ANK3: variants seen among roughly 807,000 people sequenced by gnomAD.
The protein encoded by ANK3 is ankyrin-3.
Under a neutral mutation model 370.9 loss-of-function variants are expected in ANK3, and 57 were observed. The ratio of observed to expected loss-of-function variants is 0.15; its 90% CI spans 0.12 to 0.19. The LOEUF (loss-of-function observed/expected upper bound fraction) is 0.19. Among genes scored for constraint, ANK3 ranks in the 10% least tolerant of loss-of-function variants. The probability of loss-of-function intolerance (pLI) is 1.00; values close to 1 mark genes in which losing one functional copy is unlikely to be tolerated. For missense variants in ANK3, 4,439 were observed against 5,302.1 expected (o/e 0.84, Z 5.06); for synonymous variants, 1,929 against 1,946.3 (o/e 0.99, Z 0.23).
chr10:60,621,056 C>G (rs1224768388), intron 1 of ANK3, among the ~76,000 whole-genome samples: 1 of 152,198 alleles, frequency 6.6e-6, no homozygotes, highest in Non-Finnish European at 1.5e-5. Context: ...GAGCCCTGCT[C>G]CTAGCTGTTC....
chr10:60,697,433 C>T (rs1342677755), intron 1 of ANK3, among the ~76,000 whole-genome samples: 1 of 150,546 alleles, frequency 6.6e-6, no homozygotes, highest in South Asian at 2.1e-4. Flanking sequence ...CAAAAAAGAG[C>T]CCGCATCGCC....
chr10:60,565,832 A>T (rs2077446566), intron 2 of ANK3, among the ~76,000 whole-genome samples: 1 of 152,208 alleles, frequency 6.6e-6, no homozygotes, highest in African/African-American at 2.4e-5. Flanking sequence ...CCTTTCTGCC[A>T]CCAATAAAGC....
chr10:60,119,149 G>A (rs886683397), intron 25 of ANK3, among the ~76,000 whole-genome samples: 1 of 152,160 alleles, frequency 6.6e-6, no homozygotes, highest in Non-Finnish European at 1.5e-5. Context: ...GGTTTCCTCA[G>A]GTTTATGAGC....
intron 8 of ANK3, among the ~76,000 whole-genome samples, chr10:60,223,011 T>G (rs1368937450): frequency 6.6e-6 from 1 of 152,202 alleles, no homozygotes; most frequent in Admixed American, 6.5e-5. Flanking sequence ...GTGACAAAGA[T>G]GCTCTTCCTT....
chr10:60,583,519 T>C (rs892982135), intron 2 of ANK3, among the ~76,000 whole-genome samples: 1 of 123,214 alleles, frequency 8.1e-6, no homozygotes, highest in Non-Finnish European at 1.8e-5. Context: ...TTGTTTTTTG[T>C]TTTTTGTTTT....
intron 43 of ANK3, among the ~76,000 whole-genome samples, chr10:60,030,250 C>A (rs1271086122): frequency 1.3e-5 from 2 of 152,126 alleles, no homozygotes; most frequent in African/African-American, 4.8e-5. Context: ...TCACACCATT[C>A]TCCTGCCTCA....
At chr10:60,145,417 G>T (rs1015476753) in intron 23 of ANK3, among the ~76,000 whole-genome samples, 2 of 152,120 alleles carry the variant, frequency 1.3e-5, no homozygotes, top group Non-Finnish European at 2.9e-5. Context: ...TGATCATACA[G>T]CAAAGAGAGG....
intron 1 of ANK3, among the ~76,000 whole-genome samples, chr10:60,632,241 C>A (rs1010939885): frequency 6.6e-6 from 1 of 152,090 alleles, no homozygotes; most frequent in Non-Finnish European, 1.5e-5. Context: ...TAGGTAAAAA[C>A]CAAATTGCTT....
At chr10:60,207,726 A>C (rs1396020434) in intron 10 of ANK3, among the ~76,000 whole-genome samples, 4 of 152,218 alleles carry the variant, frequency 2.6e-5, no homozygotes, top group Non-Finnish European at 5.9e-5. Context: ...AATTCACAGA[A>C]TTATAAGTTT....
intron 2 of ANK3, among the ~76,000 whole-genome samples, chr10:60,571,292 G>A (rs1353277250): frequency 2.6e-5 from 4 of 152,152 alleles, no homozygotes; most frequent in Non-Finnish European, 5.9e-5. Flanking sequence ...ACATAGACAT[G>A]ACCTCAGAAC....
chr10:60,314,215 A>G (rs1219400833), intron 1 of ANK3, among the ~76,000 whole-genome samples: 2 of 152,366 alleles, frequency 1.3e-5, no homozygotes, highest in East Asian at 3.9e-4. Flanking sequence ...TTTTCAGTGT[A>G]GACAGAAACG....
At chr10:60,101,960 G>A (rs1370846526) in intron 28 of ANK3, among the ~76,000 whole-genome samples, 2 of 151,996 alleles carry the variant, frequency 1.3e-5, no homozygotes, top group Non-Finnish European at 2.9e-5. Context: ...CAGAGGCAAA[G>A]GAGCAGTGCA....
chr10:60,110,872 C>T (rs977356149), intron 26 of ANK3, among the ~76,000 whole-genome samples: 5 of 152,172 alleles, frequency 3.3e-5, no homozygotes, highest in Non-Finnish European at 5.9e-5. Context: ...CACATACACA[C>T]ATACACACAC....
intron 1 of ANK3, among the ~76,000 whole-genome samples, chr10:60,331,087 G>A (rs1296213379): frequency 5.3e-5 from 8 of 151,640 alleles, no homozygotes; most frequent in Non-Finnish European, 1.2e-4. Context: ...CGGGCACAGG[G>A]AGGGGAACAT....
intron 1 of ANK3, among the ~76,000 whole-genome samples, chr10:60,693,583 TCCCTGAC>T (rs2079392289): frequency 6.6e-6 from 1 of 152,114 alleles, no homozygotes; most frequent in Non-Finnish European, 1.5e-5. Flanking sequence ...CTAAAGTGGG[TCCCTGAC>T]CCCTGACCCC....
intron 2 of ANK3, among the ~76,000 whole-genome samples, chr10:60,405,577 T>C (rs972686184): frequency 1.3e-5 from 2 of 152,202 alleles, no homozygotes; most frequent in Non-Finnish European, 2.9e-5. Context: ...TGTTACCAAG[T>C]ATATGCTTTT....
Position 60,063,265 on chromosome 10 carries a change from GA to G in ANK3, c.12452-12del, listed in dbSNP as rs747430068. 7 of 1,594,326 alleles carry G rather than the reference GA, an allele frequency of 4.4e-6. No homozygotes were observed. The highest frequency in any genetic ancestry group is 2.3e-5 in the South Asian group (2 of 87,210). ...AAGTTAAGGCATCAGCTGAAAAGGAGAAAAAAAGGTTGAAAACCCAATTAAA... is the reference window on the plus strand; with the variant it reads ...AAGTTAAGGCATCAGCTGAAAAGGAGAAAAAAGGTTGAAAACCCAATTAAA... On this transcript the variant is annotated splice_polypyrimidine_tract_variant and intron_variant, in intron 39 of 43. Coordinates refer to ENST00000280772, the MANE Select transcript of ANK3 (RefSeq NM_020987.5).
chr10:60,305,822 A>G (rs1055815801), intron 1 of ANK3, among the ~76,000 whole-genome samples: 4 of 152,308 alleles, frequency 2.6e-5, no homozygotes, highest in African/African-American at 9.6e-5. Context: ...CTGAATCCCC[A>G]AAGGGTGAGC....
At chr10:60,443,728 A>G (rs1431898606) in intron 2 of ANK3, among the ~76,000 whole-genome samples, 1 of 152,162 alleles carries the variant, frequency 6.6e-6, no homozygotes, top group Non-Finnish European at 1.5e-5. Flanking sequence ...CAACCAGAAA[A>G]TGGATGTCCT....
Sources: gnomAD v4.1 joint callset for allele counts (sites outside exome capture counted in the v4.1 genomes callset) on GRCh38, gnomAD v4.1.1 for gene constraint, MANE v1.5 for transcripts, NCBI Gene and HGNC (gene_info 2026-07-23, HGNC 2026-07-21) for gene names.